The following C11orf65 variants were observed in gnomAD, a reference collection of about 807,000 sequenced individuals.
The protein encoded by C11orf65 is protein MFI.
In C11orf65, 38 loss-of-function variants were observed where a neutral mutation model predicts 35.3. The ratio of observed to expected loss-of-function variants is 1.08; its 90% CI spans 0.83 to 1.41. The LOEUF is 1.41. Ranked by LOEUF, C11orf65 falls within the 40% of genes most tolerant of loss-of-function variation. The pLI is 0.00. For missense variants in C11orf65, 370 were observed against 367.1 expected, an observed-to-expected ratio of 1.01 and a Z score of -0.06; for synonymous variants, 105 against 114.4, an observed-to-expected ratio of 0.92 and a Z score of 0.53.
intron 2 of C11orf65, among the ~76,000 whole-genome samples, chr11:108,449,253 A>G (rs1462903281): frequency 6.6e-6 from 1 of 151,994 alleles, no homozygotes; most frequent in Non-Finnish European, 1.5e-5. Flanking sequence ...CAAGCTACCA[A>G]TGACTTTCTT....
In C11orf65 at chr11:108,332,765, C is replaced by T. The variant is rs138941496; in HGVS notation, c.300-1198G>A. 4 of 1,612,056 alleles carry T rather than the reference C, an allele frequency of 2.5e-6. No homozygotes were observed. The highest frequency in any genetic ancestry group is 1.7e-5 in the Admixed American group (1 of 59,960). On this transcript the variant is annotated intron_variant, in intron 3 of 3. Coordinates refer to the C11orf65 transcript ENST00000524755. ...GTTTTTTGTTTTTTATTAATAGGAT[C>T]GAACAGAGGCTGCAAATAGAATAAT...
At position 108,325,295 on chromosome 11, in the gene C11orf65, T is replaced by C. The variant is rs2136305758; in HGVS notation, c.641-16224A>G. The C allele has an allele frequency of 7.4e-7, 1 of 1,347,810 alleles. No homozygotes were observed. Among genetic ancestry groups the C allele is most frequent in the Non-Finnish European group, 1.1e-6 (1 of 944,028 alleles). The allele number at this position is 1,347,810 out of a possible 1,614,324, so 83.5% of individuals were successfully genotyped here. A position where few individuals can be genotyped will look rare whatever the true frequency, so the allele number is the denominator to read the frequency against. On this transcript the variant is annotated intron_variant, in intron 6 of 6. Transcript: ENST00000525729. ...ATTTCTCTTGCTTACATGAACTCTA[T>C]GTCGTGGCATTCAGATCAGTCACAC... is the stretch of plus-strand genomic sequence containing the variant.
intron 1 of C11orf65, among the ~76,000 whole-genome samples, 164 bp downstream of exon 1, chr11:108,467,307 G>A (rs982177329): frequency 6.6e-6 from 1 of 152,108 alleles, no homozygotes; most frequent in Non-Finnish European, 1.5e-5. Context: ...TCGCTGGGAG[G>A]GCTTTAGAGG....
At chr11:108,375,750 G>A (rs1016965836) in intron 2 of C11orf65, among the ~76,000 whole-genome samples, 4 of 151,962 alleles carry the variant, frequency 2.6e-5, no homozygotes, top group African/African-American at 9.7e-5. Flanking sequence ...CATCTCACGT[G>A]CAGAGACACA....
chr11:108,314,701 T>C (rs1426236868), intron 6 of C11orf65, among the ~76,000 whole-genome samples: 1 of 152,120 alleles, frequency 6.6e-6, no homozygotes, highest in Non-Finnish European at 1.5e-5. Context: ...AAAAGTTAAC[T>C]ACTAATAGTC....
At chr11:108,327,682 T>A (rs1555120997), downstream of C11orf65, 1 of 1,614,034 alleles carries the variant, frequency 6.2e-7, no homozygotes, top group Non-Finnish European at 8.5e-7. Flanking sequence ...ACAGAATGTC[T>A]GAGGGTTTGT....
chr11:108,461,620 T>A, intron 1 of C11orf65, 52 bp from the exon 2 acceptor site: 2 of 1,165,804 alleles, frequency 1.7e-6, no homozygotes, highest in Non-Finnish European at 2.5e-6. Context: ...TAATTTACTT[T>A]CATTTTTATT....
chr11:108,316,561 T>G (rs925300285), intron 6 of C11orf65, among the ~76,000 whole-genome samples: 2 of 151,998 alleles, frequency 1.3e-5, no homozygotes, highest in African/African-American at 2.4e-5. Flanking sequence ...ATTAGAGCCC[T>G]TTGAGCTCTA....
chr11:108,334,931 AT>A, intron 3 of C11orf65: 1 of 1,590,310 alleles, frequency 6.3e-7, no homozygotes, highest in Non-Finnish European at 8.6e-7. Flanking sequence ...CAAATAGTGT[AT>A]CTGACCTATT....
chr11:108,449,332 A>C (rs1209843262), intron 2 of C11orf65, among the ~76,000 whole-genome samples: 1 of 152,000 alleles, frequency 6.6e-6, no homozygotes, highest in Non-Finnish European at 1.5e-5. Context: ...AGCCAAGTGA[A>C]TCCTAAGCCA....
chr11:108,328,957 A>G (rs752247858), downstream of C11orf65: 1 of 1,467,812 alleles, frequency 6.8e-7, no homozygotes, highest in Non-Finnish European at 9.4e-7. Flanking sequence ...CCTTAATTTG[A>G]GTGATTCTTT....
At chr11:108,329,413 G>GTGT, downstream of C11orf65, 1 of 559,156 alleles carries the variant, frequency 1.8e-6, no homozygotes, top group Non-Finnish European at 3.1e-6. Context: ...TTTGTTTTTT[G>GTGT]TTTTTTTTTT....
At chr11:108,458,267 A>T (rs2093430842) in intron 2 of C11orf65, among the ~76,000 whole-genome samples, 2 of 147,122 alleles carry the variant, frequency 1.4e-5, no homozygotes, top group South Asian at 4.3e-4. Context: ...CCTACTCGGG[A>T]GGCTGAGGCA....
At chr11:108,396,250 G>A (rs1226452273) in intron 6 of C11orf65, among the ~76,000 whole-genome samples, 1 of 151,768 alleles carries the variant, frequency 6.6e-6, no homozygotes, top group African/African-American at 2.4e-5. Flanking sequence ...ACACCACCAG[G>A]CTTAGCTAAT....
At chr11:108,428,283 C>T (rs1591533111) in intron 3 of C11orf65, among the ~76,000 whole-genome samples, 1 of 152,232 alleles carries the variant, frequency 6.6e-6, no homozygotes, top group East Asian at 1.9e-4. Context: ...ACCAGAAGTA[C>T]CATTTGACCC....
At chr11:108,460,620 T>C (rs991223814) in intron 2 of C11orf65, among the ~76,000 whole-genome samples, 2 of 152,230 alleles carry the variant, frequency 1.3e-5, no homozygotes, top group African/African-American at 2.4e-5. Context: ...AATGATACTT[T>C]CATTGATAGC....
At chr11:108,437,685 G>C (rs1248835127) in intron 2 of C11orf65, among the ~76,000 whole-genome samples, 14 of 125,742 alleles carry the variant, frequency 1.1e-4, no homozygotes, top group Non-Finnish European at 1.6e-5. Flanking sequence ...ACTCCAGCCT[G>C]GTGACAGGTG....
At chr11:108,432,287 A>C (rs2093000780) in intron 2 of C11orf65, among the ~76,000 whole-genome samples, 1 of 152,216 alleles carries the variant, frequency 6.6e-6, no homozygotes, top group South Asian at 2.1e-4. Context: ...GAATGATAGT[A>C]GCCATCTCAT....
chr11:108,439,816 G>A (rs1445622129), intron 2 of C11orf65, among the ~76,000 whole-genome samples: 1 of 152,158 alleles, frequency 6.6e-6, no homozygotes, highest in Non-Finnish European at 1.5e-5. Context: ...TGGTGGTTAG[G>A]AGGTTTTTGT....
Sources: allele counts gnomAD v4.1 joint callset (sites outside exome capture counted in the v4.1 genomes callset), GRCh38; gene constraint gnomAD v4.1.1; transcripts MANE v1.5; gene names NCBI Gene and HGNC (gene_info 2026-07-23, HGNC 2026-07-21).